The following VWA8 variants were observed in gnomAD, a reference collection of about 807,000 sequenced individuals.
VWA8 encodes the protein von Willebrand factor A domain-containing protein 8.
VWA8 carries 221 observed loss-of-function variants against 241.5 expected under a neutral mutation model. That is an observed-to-expected ratio of 0.91 (90% CI 0.82 to 1.02). The LOEUF (loss-of-function observed/expected upper bound fraction) is 1.02. Ranked by LOEUF, VWA8 falls within the 50% of genes least tolerant of loss-of-function variation. The probability of loss-of-function intolerance (pLI) is 0.00; values close to 1 mark genes in which losing one functional copy is unlikely to be tolerated. For missense variants in VWA8, 2,322 were observed against 2,328.7 expected (o/e 1.00, Z 0.06); for synonymous variants, 852 against 827.1 (o/e 1.03, Z -0.52).
chr13:41,613,207 G>C (rs1315060890), intron 38 of VWA8, among the ~76,000 whole-genome samples: 1 of 152,146 alleles, frequency 6.6e-6, no homozygotes, highest in East Asian at 1.9e-4. Flanking sequence ...CCTTATGAAA[G>C]TCCAGGTAGG....
chr13:41,671,672 G>T (rs1171985691), intron 36 of VWA8, among the ~76,000 whole-genome samples: 2 of 151,944 alleles, frequency 1.3e-5, no homozygotes, highest in Non-Finnish European at 2.9e-5. Flanking sequence ...TTATAGAATG[G>T]GATTAGGGCC....
chr13:41,771,934 A>C (rs1593761029), intron 20 of VWA8, among the ~76,000 whole-genome samples: 1 of 113,970 alleles, frequency 8.8e-6, no homozygotes, highest in African/African-American at 3.5e-5. Flanking sequence ...TTCCTGGCCC[A>C]GGGTGGAGTG....
chr13:41,645,809 A>T (rs556952618), intron 37 of VWA8, among the ~76,000 whole-genome samples: 1 of 152,276 alleles, frequency 6.6e-6, no homozygotes, highest in Middle Eastern at 3.4e-3. Context: ...GAAATTAAAA[A>T]TCTTTTTTTT....
chr13:41,643,914 G>A (rs2044813611), intron 37 of VWA8, among the ~76,000 whole-genome samples: 1 of 151,884 alleles, frequency 6.6e-6, no homozygotes, highest in African/African-American at 2.4e-5. Flanking sequence ...GCCCTAGCAG[G>A]GCTAACATTA....
chr13:41,848,784 T>C (rs553521090), intron 12 of VWA8, among the ~76,000 whole-genome samples: 153 of 152,364 alleles, frequency 1.0e-3, no homozygotes, highest in Non-Finnish European at 1.7e-3. Context: ...CCCACCTATG[T>C]GATAGCATAG....
At position 41,685,173 on chromosome 13, in the gene VWA8, A is replaced by G; in HGVS notation, c.4201T>C (p.Phe1401Leu). The G allele has an allele frequency of 6.2e-7, 1 of 1,613,550 alleles. No individual in the cohort carries two copies. The highest frequency in any genetic ancestry group is 8.5e-7 in the Non-Finnish European group (1 of 1,179,716). ...LHKRSGTDTS[F>L]YRGKKKRGTP... ...CCCCTTTTCTTCTTTCCTCTATAGA[A>G]TGATGTATCAGTGCCACTTCGTTTA... is the stretch of plus-strand genomic sequence containing the variant. Residue 1401 changes from phenylalanine (F) to leucine (L), a missense_variant, in exon 35 of 45, where the codon TTC (phenylalanine) becomes CTC (leucine). Physicochemically the swap from Phe to Leu is conservative, Grantham distance 22 (BLOSUM62 0). Coordinates refer to ENST00000379310, the MANE Select transcript of VWA8 (RefSeq NM_015058.2).
chr13:41,595,839 C>T (rs921264344), intron 40 of VWA8, among the ~76,000 whole-genome samples: 4 of 152,078 alleles, frequency 2.6e-5, no homozygotes, highest in South Asian at 2.1e-4. Flanking sequence ...GTGCATATTT[C>T]GTTGTGTGGA....
At chr13:41,732,234 G>A in intron 21 of VWA8, 79 bp from the exon 22 acceptor site, 9 of 1,346,244 alleles carry the variant, frequency 6.7e-6, no homozygotes, top group Non-Finnish European at 9.2e-6. Flanking sequence ...CAGCACAGGT[G>A]CATTTTTTAA....
chr13:41,590,808 T>C, intron 40 of VWA8, 43 bp from the exon 41 acceptor site: 2 of 1,605,840 alleles, frequency 1.2e-6, no homozygotes, highest in Non-Finnish European at 1.7e-6. Context: ...TAATTAGTTA[T>C]GCAGAGTCTC....
chr13:41,611,224 G>A (rs2044585799), intron 39 of VWA8, among the ~76,000 whole-genome samples: 1 of 152,214 alleles, frequency 6.6e-6, no homozygotes, highest in African/African-American at 2.4e-5. Context: ...CTCTGTGCAT[G>A]TGTGTATGTA....
In VWA8 at chr13:41,568,092, G is replaced by T; in HGVS notation, c.*105C>A. On this transcript the variant is annotated 3_prime_UTR_variant, in exon 45 of 45. Transcript: ENST00000379310. ...GACCCAGGAATGCCGGAATCATCCA[G>T]TCACTGCATGGGTTCACTTCATCCA... 1 of 920,704 alleles carries T rather than the reference G, an allele frequency of 1.1e-6. No homozygotes were observed. The highest frequency in any genetic ancestry group is 1.6e-5 in the South Asian group (1 of 62,974). 57.0% of individuals were successfully genotyped at this position (920,704 alleles called of 1,614,324 possible). A position where few individuals can be genotyped will look rare whatever the true frequency, so the allele number is the denominator to read the frequency against.
chr13:41,605,989 T>C (rs2044551523), intron 39 of VWA8, among the ~76,000 whole-genome samples: 1 of 152,170 alleles, frequency 6.6e-6, no homozygotes, highest in Non-Finnish European at 1.5e-5. Flanking sequence ...ACACATCACA[T>C]GCCCTGCAAG....
chr13:41,748,312 C>T (rs1249443846), intron 21 of VWA8, among the ~76,000 whole-genome samples: 3 of 152,132 alleles, frequency 2.0e-5, no homozygotes, highest in African/African-American at 7.2e-5. Flanking sequence ...CAACTTTTTC[C>T]TGGCTTAGTC....
chr13:41,619,276 C>T (rs374531411), intron 37 of VWA8, among the ~76,000 whole-genome samples: 1 of 152,028 alleles, frequency 6.6e-6, no homozygotes, highest in Non-Finnish European at 1.5e-5. Flanking sequence ...TGTTTGTCTG[C>T]TATTGGTGTA....
At position 41,671,106 on chromosome 13, in the gene VWA8, A is replaced by G; in HGVS notation, c.4451T>C (p.Ile1484Thr). The change falls in exon 37 of 45, where the codon ATT becomes ACT. Residue 1484 changes from isoleucine (I) to threonine (T), a missense_variant. Transcript: ENST00000379310. ...LSPYTTWLST[I>T]SDTDALLAEW... ...AGCCAGCAGTGCATCTGTGTCTGAA[A>G]TGGTCGACAGCCATGTGGTATACGG... 3 of 1,613,960 alleles carry G rather than the reference A, an allele frequency of 1.9e-6. No individual in the cohort carries two copies. The highest frequency in any genetic ancestry group is 2.5e-6 in the Non-Finnish European group (3 of 1,179,842).
At chr13:41,778,223 A>C (rs1188374941) in intron 19 of VWA8, among the ~76,000 whole-genome samples, 167 bp from the exon 20 acceptor site, 1 of 152,202 alleles carries the variant, frequency 6.6e-6, no homozygotes, top group Non-Finnish European at 1.5e-5. Flanking sequence ...TAAATTATAT[A>C]ACCATTTAGG....
At chr13:41,958,346 A>G (rs1243698924) in intron 1 of VWA8, among the ~76,000 whole-genome samples, 2 of 152,238 alleles carry the variant, frequency 1.3e-5, no homozygotes, top group African/African-American at 4.8e-5. Context: ...CCAAACGAAT[A>G]TATAGATAAA....
intron 26 of VWA8, among the ~76,000 whole-genome samples, chr13:41,718,401 T>G (rs1239361160): frequency 6.6e-6 from 1 of 152,062 alleles, no homozygotes; most frequent in Admixed American, 6.6e-5. Context: ...CCATAAGGAC[T>G]GCTAATCCAT....
intron 42 of VWA8, among the ~76,000 whole-genome samples, chr13:41,586,524 C>T (rs574857499): frequency 1.3e-5 from 2 of 151,998 alleles, no homozygotes; most frequent in Admixed American, 6.6e-5. Context: ...AGGAATTCCT[C>T]ACGTAGAGCT....
Sources: gnomAD v4.1 joint callset for allele counts (sites outside exome capture counted in the v4.1 genomes callset) on GRCh38, gnomAD v4.1.1 for gene constraint, MANE v1.5 for transcripts, NCBI Gene and HGNC (gene_info 2026-07-23, HGNC 2026-07-21) for gene names.